SLC1A2: variants seen among roughly 807,000 people sequenced by gnomAD.
The protein encoded by SLC1A2 is excitatory amino acid transporter 2.
SLC1A2 carries 15 observed loss-of-function variants against 48.8 expected under a neutral mutation model. That is an observed-to-expected ratio of 0.31 (90% CI 0.21 to 0.47). The LOEUF (loss-of-function observed/expected upper bound fraction) is 0.47, where lower values mean the gene tolerates loss of function less well. SLC1A2 is among the 20% of genes least tolerant of loss of function. The probability of loss-of-function intolerance (pLI) is 0.99; values close to 1 mark genes in which losing one functional copy is unlikely to be tolerated. For missense variants in SLC1A2, 502 were observed against 730.5 expected, an observed-to-expected ratio of 0.69 and a Z score of 3.61; for synonymous variants, 279 against 272.6, an observed-to-expected ratio of 1.02 and a Z score of -0.23.
intron 9 of SLC1A2, among the ~76,000 whole-genome samples, chr11:35,274,849 T>G (rs1850389190): frequency 2.0e-5 from 3 of 152,252 alleles, no homozygotes; most frequent in Admixed American, 1.3e-4. Context: ...GAGCACTCAC[T>G]AAGTATTAGC....
chr11:35,265,625 T>C lies in SLC1A2; in HGVS notation c.1555A>G (p.Thr519Ala), dbSNP rs769270002. 6.2e-7 allele frequency: 1 copy of C among 1,612,438 alleles called. No homozygotes were observed. Among genetic ancestry groups the C allele is most frequent in the Non-Finnish European group, 8.5e-7 (1 of 1,178,506 alleles). Residue 519 changes from threonine (T) to alanine (A), a missense_variant, in exon 10 of 11, where the codon ACT becomes GCT. Physicochemically the swap from Thr to Ala is moderately conservative, Grantham distance 58. Transcript: ENST00000278379. ...RVHEDIEMTK[T>A]QSIYDDMKNH... The stretch of plus-strand genomic sequence containing the variant: ...TTCATGTCATCATAAATGGATTGAG[T>C]CTTGGTCATTTCAATATCTTCATGC...
intron 1 of SLC1A2, among the ~76,000 whole-genome samples, chr11:35,343,833 C>T (rs1852931247): frequency 6.6e-6 from 1 of 151,990 alleles, no homozygotes; most frequent in Non-Finnish European, 1.5e-5. Flanking sequence ...TACACAGACA[C>T]ACACAGGCAC....
intron 6 of SLC1A2, among the ~76,000 whole-genome samples, chr11:35,296,407 G>A (rs1256049065): frequency 6.6e-6 from 1 of 152,248 alleles, no homozygotes; most frequent in Non-Finnish European, 1.5e-5. Context: ...AGGGATAGGA[G>A]TTCCAGCTAC....
Position 35,260,937 on chromosome 11 carries a change from G to A in SLC1A2, c.1682C>T (p.Ala561Val). Residue 561 changes from alanine (A) to valine (V), a missense_variant, in exon 11 of 11, where the codon GCC becomes GTC. This residue lies in a region of SLC1A2 where 102 missense variants were observed against 107.2 expected (regional missense o/e 0.95). Transcript: ENST00000278379. ...KVTLAANGKS[A>V]DCSVEEEPWK... is the part of the protein sequence containing the mutation. Reference sequence around the variant, plus strand: ...AGGTTCTTCCTCAACACTGCAGTCGGCTGACTTTCCATTGGCTGCCAGAGT... The same window carrying A: ...AGGTTCTTCCTCAACACTGCAGTCGACTGACTTTCCATTGGCTGCCAGAGT... The A allele has an allele frequency of 6.2e-6, 10 of 1,613,642 alleles. No homozygotes were observed. The highest frequency in any genetic ancestry group is 8.5e-6 in the Non-Finnish European group (10 of 1,179,610).
At chr11:35,381,334 G>A (rs1355103624) in intron 1 of SLC1A2, among the ~76,000 whole-genome samples, 1 of 152,252 alleles carries the variant, frequency 6.6e-6, no homozygotes, top group Non-Finnish European at 1.5e-5. Flanking sequence ...ACTTTCCATT[G>A]CTGAAATCAT....
intron 1 of SLC1A2, among the ~76,000 whole-genome samples, chr11:35,381,872 CAAT>C (rs1290769851): frequency 6.6e-6 from 1 of 152,194 alleles, no homozygotes; most frequent in Non-Finnish European, 1.5e-5. Flanking sequence ...TGTTCTGCAA[CAAT>C]GAGTACTGAT....
chr11:35,270,521 G>C (rs1031459808), intron 9 of SLC1A2, among the ~76,000 whole-genome samples: 3 of 152,128 alleles, frequency 2.0e-5, no homozygotes, highest in Non-Finnish European at 2.9e-5. Flanking sequence ...GTGTGTAAGG[G>C]CACTATGCCA....
At chr11:35,275,150 G>A (rs1850401163) in intron 9 of SLC1A2, among the ~76,000 whole-genome samples, 1 of 152,204 alleles carries the variant, frequency 6.6e-6, no homozygotes, top group Non-Finnish European at 1.5e-5. Context: ...TCTCTCCAGA[G>A]AGGAATGCTG....
At chr11:35,374,354 C>T (rs772783602) in intron 1 of SLC1A2, 63 of 868,152 alleles carry the variant, frequency 7.3e-5, no homozygotes, top group East Asian at 2.7e-4. Flanking sequence ...ATTTAAATAG[C>T]GATGTGTTGT....
At chr11:35,376,420 T>C (rs61618750) in intron 1 of SLC1A2, among the ~76,000 whole-genome samples, 3 of 152,182 alleles carry the variant, frequency 2.0e-5, no homozygotes, top group Admixed American at 1.3e-4. Flanking sequence ...CAATGCTCTA[T>C]GGTTATGTAA....
intron 1 of SLC1A2, among the ~76,000 whole-genome samples, chr11:35,326,320 A>G (rs1852251223): frequency 6.6e-6 from 1 of 152,214 alleles, no homozygotes; most frequent in Non-Finnish European, 1.5e-5. Flanking sequence ...CCCTTCCAAG[A>G]GCCACTGGAA....
chr11:35,282,217 A>G (rs1850662843), intron 8 of SLC1A2, among the ~76,000 whole-genome samples: 1 of 151,956 alleles, frequency 6.6e-6, no homozygotes, highest in South Asian at 2.1e-4. Context: ...CTCCCCGTCC[A>G]TGGTGTCAAG....
intron 1 of SLC1A2, among the ~76,000 whole-genome samples, chr11:35,408,691 C>A (rs1855372935): frequency 6.6e-6 from 1 of 152,112 alleles, no homozygotes; most frequent in South Asian, 2.1e-4. Context: ...AGCCACTGGT[C>A]CAGAGGACAA....
intron 9 of SLC1A2, among the ~76,000 whole-genome samples, chr11:35,280,057 C>T (rs759519394): frequency 3.3e-5 from 5 of 152,214 alleles, no homozygotes; most frequent in African/African-American, 1.2e-4. Context: ...CTGTGCATAC[C>T]TGTGCATATG....
At position 35,253,563 on chromosome 11, in the gene SLC1A2, T is replaced by C. The variant is rs746221469; in HGVS notation, c.*7331A>G. On this transcript the variant is annotated 3_prime_UTR_variant, in exon 11 of 11. Coordinates refer to ENST00000278379, the MANE Select transcript of SLC1A2 (RefSeq NM_004171.4). ...GGCCTGGTGTCAAACATTTAAAAAA[T>C]CAGCACCATTCCTTGAGTTAGAAAG... The C allele has an allele frequency of 6.6e-6, 1 of 152,626 alleles. No individual in the cohort carries two copies. Among genetic ancestry groups the C allele is most frequent in the Non-Finnish European group, 1.5e-5 (1 of 68,034 alleles). 9.5% of individuals were successfully genotyped at this position (152,626 alleles called of 1,614,324 possible). A position where few individuals can be genotyped will look rare whatever the true frequency, so the allele number is the denominator to read the frequency against.
intron 7 of SLC1A2, among the ~76,000 whole-genome samples, chr11:35,288,716 C>T (rs547608431): frequency 8.7e-4 from 133 of 152,010 alleles, no homozygotes; most frequent in African/African-American, 3.0e-3. Flanking sequence ...AAAATATCCT[C>T]TATTTCTCTA....
At chr11:35,351,684 AG>A (rs1367381484) in intron 1 of SLC1A2, among the ~76,000 whole-genome samples, 41 of 152,192 alleles carry the variant, frequency 2.7e-4, no homozygotes, top group African/African-American at 9.6e-4. Flanking sequence ...TGCCCAGGCC[AG>A]AGTGCAGTGG....
intron 1 of SLC1A2, among the ~76,000 whole-genome samples, chr11:35,384,192 G>A (rs1054736429): frequency 6.6e-6 from 1 of 152,220 alleles, no homozygotes; most frequent in African/African-American, 2.4e-5. Flanking sequence ...AATAGTAATA[G>A]AAGCTGTCTT....
intron 1 of SLC1A2, among the ~76,000 whole-genome samples, chr11:35,411,644 T>A (rs928402112): frequency 6.6e-6 from 1 of 152,156 alleles, no homozygotes; most frequent in Non-Finnish European, 1.5e-5. Flanking sequence ...AAGTAAAGAT[T>A]GAGATTAAAC....
Sources: allele counts gnomAD v4.1 joint callset (sites outside exome capture counted in the v4.1 genomes callset), GRCh38; gene constraint gnomAD v4.1.1; regional missense constraint gnomAD v4.1.1; transcripts MANE v1.5; gene names NCBI Gene and HGNC (gene_info 2026-07-23, HGNC 2026-07-21).